The following MAPK10 variants were observed in gnomAD, a reference collection of about 807,000 sequenced individuals.
The protein encoded by MAPK10 is JNK3 alpha protein kinase.
In MAPK10, 25 loss-of-function variants were observed where a neutral mutation model predicts 59.3. That is an observed-to-expected ratio of 0.42 (90% confidence interval 0.31 to 0.59). MAPK10 has a LOEUF of 0.59. MAPK10 is among the 20% of genes least tolerant of loss of function. The pLI is 0.15. For synonymous variants in MAPK10, 190 were observed against 200.5 expected, an observed-to-expected ratio of 0.95 and a Z score of 0.44; for missense variants, 351 against 568.9, an observed-to-expected ratio of 0.62 and a Z score of 3.90.
At chr4:86,501,392 CA>C (rs1755312909) in intron 1 of MAPK10, among the ~76,000 whole-genome samples, 1 of 151,896 alleles carries the variant, frequency 6.6e-6, no homozygotes, top group Non-Finnish European at 1.5e-5. Context: ...GAATCATTTA[CA>C]CTATACATTC....
intron 2 of MAPK10, among the ~76,000 whole-genome samples, chr4:86,258,555 T>G (rs1389668993): frequency 1.3e-5 from 2 of 152,194 alleles, no homozygotes; most frequent in Non-Finnish European, 1.5e-5. Context: ...GAATAGTGCA[T>G]GCTTGCTGTC....
intron 11 of MAPK10, among the ~76,000 whole-genome samples, chr4:86,063,575 A>G (rs537916568): frequency 1.3e-5 from 2 of 152,302 alleles, no homozygotes; most frequent in African/African-American, 2.4e-5. Flanking sequence ...TGCCCTGCTC[A>G]GCCCTGGATC....
In MAPK10 at chr4:86,015,673, T is replaced by TTAAAAGCCA. The variant is rs1305369627; in HGVS notation, c.*1554_*1555insTGGCTTTTA. Reference sequence around the variant, plus strand: ...CTGGAGATTTTGCTAAACATTGACATTAATGCTTCATGGCTTTTAAGACAA... The same window carrying TTAAAAGCCA: ...CTGGAGATTTTGCTAAACATTGACATTAAAAGCCATAATGCTTCATGGCTTTTAAGACAA... On this transcript the variant is annotated 3_prime_UTR_variant, in exon 14 of 14. Coordinates refer to ENST00000641462, the MANE Select transcript of MAPK10 (RefSeq NM_138982.4). 1 of 152,222 alleles carries TTAAAAGCCA rather than the reference T, an allele frequency of 6.6e-6. No individual in the cohort carries two copies. The highest frequency in any genetic ancestry group is 2.4e-5 in the African/African-American group (1 of 41,464). The allele number at this position is 152,222 out of a possible 1,614,324, so 9.4% of individuals were successfully genotyped here.
At position 86,393,359 on chromosome 4, in the gene MAPK10, A is replaced by T. The variant is rs17011872; in HGVS notation, c.-121-38715T>A. Among the ~76,000 whole-genome samples, 1,467 of 152,062 alleles carry T rather than the reference A, an allele frequency of 9.6e-3. 18 individuals are homozygous for T. The highest frequency in any genetic ancestry group is 0.034 in the African/African-American group (1,392 of 41,468). The stretch of plus-strand genomic sequence containing the variant: ...AGTTTTTTTTTTTTTAAGGAAAATA[A>T]CTATTGTAAACAAAAAGAAAAAGTC... On this transcript the variant is annotated intron_variant, in intron 1 of 13. Coordinates refer to the MAPK10 transcript ENST00000361569.
intron 1 of MAPK10, among the ~76,000 whole-genome samples, chr4:86,451,935 C>A (rs1054342327): frequency 6.6e-6 from 1 of 152,086 alleles, no homozygotes; most frequent in Non-Finnish European, 1.5e-5. Context: ...GAAGAGAAAT[C>A]GAACACGATA....
chr4:86,498,466 A>G (rs1221660250), intron 1 of MAPK10, among the ~76,000 whole-genome samples: 1 of 152,214 alleles, frequency 6.6e-6, no homozygotes, highest in Non-Finnish European at 1.5e-5. Context: ...AACTTCATCA[A>G]ACTGAGTGCC....
At chr4:86,482,097 T>G (rs1457083903) in intron 1 of MAPK10, among the ~76,000 whole-genome samples, 1 of 152,198 alleles carries the variant, frequency 6.6e-6, no homozygotes, top group African/African-American at 2.4e-5. Context: ...GAGGATACAT[T>G]TTAAGTGATT....
At chr4:86,510,594 T>C (rs1756149682) in intron 1 of MAPK10, among the ~76,000 whole-genome samples, 1 of 151,920 alleles carries the variant, frequency 6.6e-6, no homozygotes, top group East Asian at 1.9e-4. Flanking sequence ...TATATCTATA[T>C]GCATGTATAT....
chr4:86,069,899 G>A (rs1390652913), intron 9 of MAPK10, among the ~76,000 whole-genome samples: 1 of 120,772 alleles, frequency 8.3e-6, no homozygotes, highest in East Asian at 2.1e-4. Flanking sequence ...TTTTAAAGAA[G>A]TACTCCCAAA....
chr4:86,408,261 C>T (rs112358464), intron 1 of MAPK10, among the ~76,000 whole-genome samples: 28,318 of 151,916 alleles, frequency 0.19, 2,724 homozygotes, highest in South Asian at 0.28. Context: ...TAGTATTCCA[C>T]GGGGTATATG....
chr4:86,291,600 T>C (rs2095229509), intron 2 of MAPK10, among the ~76,000 whole-genome samples: 1 of 152,024 alleles, frequency 6.6e-6, no homozygotes, highest in African/African-American at 2.4e-5. Context: ...AGTAAAAAAC[T>C]AGATGCTACT....
At chr4:86,041,507 T>G (rs1021727776) in intron 11 of MAPK10, among the ~76,000 whole-genome samples, 35 of 152,282 alleles carry the variant, frequency 2.3e-4, no homozygotes, top group Admixed American at 1.8e-3. Flanking sequence ...AAAGAGCTTC[T>G]GCACAGCAAA....
chr4:86,488,969 C>T (rs993745619), intron 1 of MAPK10, among the ~76,000 whole-genome samples: 1 of 152,192 alleles, frequency 6.6e-6, no homozygotes, highest in East Asian at 1.9e-4. Flanking sequence ...AAAGTGTTTG[C>T]GCATTCGGGC....
At chr4:86,448,871 A>T (rs1391626495) in intron 1 of MAPK10, among the ~76,000 whole-genome samples, 3 of 152,216 alleles carry the variant, frequency 2.0e-5, no homozygotes, top group Admixed American at 6.5e-5. Flanking sequence ...GCAACTAGTC[A>T]GTCCCATCTG....
intron 2 of MAPK10, among the ~76,000 whole-genome samples, chr4:86,251,854 T>A (rs2093455308): frequency 7.2e-6 from 1 of 138,850 alleles, no homozygotes. Context: ...CCTGACTTTT[T>A]AATGATTGCC....
intron 11 of MAPK10, among the ~76,000 whole-genome samples, chr4:86,060,698 G>C (rs937855876): frequency 3.3e-5 from 5 of 152,064 alleles, no homozygotes; most frequent in Non-Finnish European, 7.4e-5. Flanking sequence ...TGATAATCAA[G>C]ATTTGTGGAA....
At chr4:86,561,044 C>T (rs747165185) in intron 1 of MAPK10, among the ~76,000 whole-genome samples, 12 of 152,124 alleles carry the variant, frequency 7.9e-5, no homozygotes, top group East Asian at 1.9e-4. Context: ...TCCATGAATG[C>T]GGGAGTAGGG....
intron 3 of MAPK10, among the ~76,000 whole-genome samples, chr4:86,182,531 G>A (rs1415223494): frequency 3.3e-5 from 5 of 152,040 alleles, no homozygotes; most frequent in Admixed American, 2.6e-4. Context: ...AGTAGCCTTA[G>A]CCAAGCTGGT....
At chr4:86,474,609 T>G (rs1478814780) in intron 1 of MAPK10, among the ~76,000 whole-genome samples, 1 of 152,210 alleles carries the variant, frequency 6.6e-6, no homozygotes, top group African/African-American at 2.4e-5. Context: ...ATTTTTTTCT[T>G]CATCATCATA....
Sources: allele counts gnomAD v4.1 joint callset (sites outside exome capture counted in the v4.1 genomes callset), GRCh38; gene constraint gnomAD v4.1.1; transcripts MANE v1.5; gene names NCBI Gene and HGNC (gene_info 2026-07-23, HGNC 2026-07-21).